Variants in CLSTN2 observed in about 807,000 individuals in gnomAD.
CLSTN2 encodes calsyntenin-2.
A neutral mutation model predicts 101.2 loss-of-function variants in CLSTN2; 48 were observed. The ratio of observed to expected loss-of-function variants is 0.47; its 90% CI spans 0.38 to 0.60. The LOEUF is 0.60. Ranked by LOEUF, CLSTN2 falls within the 20% of genes least tolerant of loss-of-function variation. CLSTN2 has a pLI of 0.00. For synonymous variants in CLSTN2, 481 were observed against 463.6 expected (o/e 1.04, Z -0.48); for missense variants, 1,160 against 1,238.2 (o/e 0.94, Z 0.95).
At chr3:140,315,086 G>C (rs1326450910) in intron 2 of CLSTN2, among the ~76,000 whole-genome samples, 18 of 152,174 alleles carry the variant, frequency 1.2e-4, no homozygotes, top group Admixed American at 1.2e-3. Context: ...AGTGCTTGCT[G>C]GCAAGGAGCA....
intron 1 of CLSTN2, among the ~76,000 whole-genome samples, chr3:140,135,117 C>CACACATATATATATATAT (rs1488268767): frequency 3.4e-5 from 2 of 58,118 alleles, no homozygotes; most frequent in Non-Finnish European, 6.0e-5. Context: ...CACACACACA[C>CACACATATATATATATAT]ATATATATAT....
rs1254815380 is a variant in CLSTN2 at position 140,240,213 on chromosome 3, CACACACACATATAT to C, written c.232+64142_232+64155del. ...ATATATATATATACACACACACACA[CACACACACATATAT>C]ATATATGCATATATACACATATATA... On this transcript the variant is annotated intron_variant, in intron 2 of 16. Transcript: ENST00000458420. Among the ~76,000 whole-genome samples, 20 of 12,360 alleles carry C rather than the reference CACACACACATATAT, an allele frequency of 1.6e-3. 1 individual carries two copies. Among genetic ancestry groups the C allele is most frequent in the Admixed American group, 3.0e-3 (2 of 672 alleles). 8.1% of individuals were successfully genotyped at this position (12,360 alleles called of 152,430 possible). A position where few individuals can be genotyped will look rare whatever the true frequency, so the allele number is the denominator to read the frequency against.
intron 5 of CLSTN2, among the ~76,000 whole-genome samples, chr3:140,438,567 C>T (rs2108002548): frequency 6.6e-6 from 1 of 150,936 alleles, no homozygotes; most frequent in South Asian, 2.1e-4. Flanking sequence ...GCATGAAAAC[C>T]TATACCCTTC....
intron 2 of CLSTN2, among the ~76,000 whole-genome samples, chr3:140,295,885 T>C (rs1302102746): frequency 1.3e-5 from 2 of 152,216 alleles, no homozygotes; most frequent in Admixed American, 6.5e-5. Context: ...GCCTTTTATA[T>C]GCCTGTAATA....
At chr3:140,422,398 G>A (rs2088516453) in intron 5 of CLSTN2, among the ~76,000 whole-genome samples, 1 of 152,074 alleles carries the variant, frequency 6.6e-6, no homozygotes, top group Non-Finnish European at 1.5e-5. Context: ...GGACATCATG[G>A]TACAAAGTAA....
intron 2 of CLSTN2, among the ~76,000 whole-genome samples, chr3:140,317,516 C>A (rs906732248): frequency 6.6e-6 from 1 of 152,068 alleles, no homozygotes; most frequent in Non-Finnish European, 1.5e-5. Flanking sequence ...GCCACAGGAC[C>A]CCAATTCCAG....
intron 2 of CLSTN2, among the ~76,000 whole-genome samples, chr3:140,211,570 A>G (rs1013093594): frequency 4.0e-5 from 6 of 148,966 alleles, no homozygotes; most frequent in African/African-American, 1.2e-4. Context: ...GTGTGTGTGT[A>G]TATATATGAA....
chr3:140,159,555 C>T (rs984505723), intron 1 of CLSTN2, among the ~76,000 whole-genome samples: 1 of 152,110 alleles, frequency 6.6e-6, no homozygotes, highest in Non-Finnish European at 1.5e-5. Flanking sequence ...CATGCTTTTA[C>T]ATTGTTGGTG....
intron 4 of CLSTN2, among the ~76,000 whole-genome samples, chr3:140,416,027 A>G (rs1409658417): frequency 2.0e-5 from 3 of 152,198 alleles, no homozygotes; most frequent in African/African-American, 7.2e-5. Flanking sequence ...ACTCAGCGTT[A>G]AAAAAGAAGG....
chr3:140,070,365 C>T (rs1013479410), intron 1 of CLSTN2, among the ~76,000 whole-genome samples: 3 of 152,218 alleles, frequency 2.0e-5, no homozygotes, highest in African/African-American at 7.2e-5. Context: ...TGGAGGTCTA[C>T]AGACCTCATT....
chr3:140,007,990 C>T (rs1330800605), intron 1 of CLSTN2, among the ~76,000 whole-genome samples: 1 of 152,214 alleles, frequency 6.6e-6, no homozygotes, highest in Non-Finnish European at 1.5e-5. Context: ...ATGCATCCAT[C>T]TACTCATCTA....
intron 1 of CLSTN2, among the ~76,000 whole-genome samples, chr3:139,983,831 A>G (rs1935976287): frequency 1.3e-5 from 2 of 152,188 alleles, no homozygotes; most frequent in Non-Finnish European, 2.9e-5. Flanking sequence ...AGCTTACCCA[A>G]TCAATAGTAT....
chr3:140,400,744 T>A (rs559193008), intron 2 of CLSTN2, among the ~76,000 whole-genome samples: 16 of 150,894 alleles, frequency 1.1e-4, no homozygotes, highest in Non-Finnish European at 5.9e-5. Flanking sequence ...AAAACCAAGC[T>A]CAGGATGCTT....
chr3:140,114,306 G>T (rs1260369372), intron 1 of CLSTN2, among the ~76,000 whole-genome samples: 1 of 152,132 alleles, frequency 6.6e-6, no homozygotes, highest in Non-Finnish European at 1.5e-5. Flanking sequence ...TGCCAAGAAT[G>T]CTCTCTGTAT....
intron 1 of CLSTN2, among the ~76,000 whole-genome samples, chr3:140,040,834 G>T (rs1048603506): frequency 6.6e-6 from 1 of 152,082 alleles, no homozygotes; most frequent in Non-Finnish European, 1.5e-5. Flanking sequence ...AGGGGAGAGG[G>T]TATTTTTCAT....
At chr3:140,150,579 T>C (rs977665072) in intron 1 of CLSTN2, among the ~76,000 whole-genome samples, 4 of 152,152 alleles carry the variant, frequency 2.6e-5, no homozygotes, top group African/African-American at 9.7e-5. Context: ...GGGGTGGCCC[T>C]TATTCAGTGA....
intron 7 of CLSTN2, among the ~76,000 whole-genome samples, chr3:140,465,883 G>A (rs966196319): frequency 2.0e-5 from 3 of 152,132 alleles, no homozygotes; most frequent in Non-Finnish European, 4.4e-5. Context: ...TGGTGTGTTC[G>A]ATAATGTAAT....
chr3:140,342,386 T>C (rs2087501757), intron 2 of CLSTN2, among the ~76,000 whole-genome samples: 1 of 152,128 alleles, frequency 6.6e-6, no homozygotes, highest in African/African-American at 2.4e-5. Flanking sequence ...TCTAAAGGGA[T>C]GAGTATCTTT....
intron 2 of CLSTN2, among the ~76,000 whole-genome samples, chr3:140,255,191 C>T (rs376559954): frequency 4.6e-5 from 7 of 152,256 alleles, no homozygotes; most frequent in Admixed American, 2.0e-4. Flanking sequence ...AATGCTTATA[C>T]GCTGCTGGTG....
Sources: allele counts gnomAD v4.1 joint callset (sites outside exome capture counted in the v4.1 genomes callset), GRCh38; gene constraint gnomAD v4.1.1; transcripts MANE v1.5; gene names NCBI Gene and HGNC (gene_info 2026-07-23, HGNC 2026-07-21).